Variants in TM9SF4 observed in about 807,000 individuals in gnomAD.
The protein encoded by TM9SF4 is dinucleotide oxidase disulfide thiol exchanger 3 superfamily member 4.
Under a neutral mutation model 90.4 loss-of-function variants are expected in TM9SF4, and 26 were observed. That is an observed-to-expected ratio of 0.29 (90% CI 0.21 to 0.40). The LOEUF (loss-of-function observed/expected upper bound fraction) is 0.40. Among genes scored for constraint, TM9SF4 ranks in the 10% least tolerant of loss-of-function variants. The pLI, the probability that TM9SF4 is intolerant of heterozygous loss-of-function variation, is 1.00. For missense variants in TM9SF4, 549 were observed against 834.8 expected, an observed-to-expected ratio of 0.66 and a Z score of 4.22; for synonymous variants, 293 against 315.4, an observed-to-expected ratio of 0.93 and a Z score of 0.75.
At chr20:32,126,698 C>A (rs1283305127) in intron 1 of TM9SF4, among the ~76,000 whole-genome samples, 1 of 151,900 alleles carries the variant, frequency 6.6e-6, no homozygotes, top group Admixed American at 6.6e-5. Flanking sequence ...GCCTGACACA[C>A]AGTAGGTGCT....
In TM9SF4 at chr20:32,167,038, G is replaced by A. The variant is rs780861529; in HGVS notation, c.*1594G>A. On this transcript the variant is annotated 3_prime_UTR_variant, in exon 18 of 18. Coordinates refer to ENST00000398022, the MANE Select transcript of TM9SF4 (RefSeq NM_014742.4). ...GAGAAAAGGGAACCCAAGCAGTAGAGAGCGATATTGGAGTCTTTTGTTCAT... is the reference window on the plus strand; with the variant it reads ...GAGAAAAGGGAACCCAAGCAGTAGAAAGCGATATTGGAGTCTTTTGTTCAT... The A allele has an allele frequency of 1.3e-5, 2 of 152,054 alleles. No homozygotes were observed. The highest frequency in any genetic ancestry group is 2.1e-4 in the South Asian group (1 of 4,816). 9.4% of individuals were successfully genotyped at this position (152,054 alleles called of 1,614,324 possible). A position where few individuals can be genotyped will look rare whatever the true frequency, so the allele number is the denominator to read the frequency against.
chr20:32,155,172 C>T lies in TM9SF4; in HGVS notation c.1315C>T (p.His439Tyr), dbSNP rs1245631809. Residue 439 changes from histidine (H) to tyrosine (Y), a missense_variant, in exon 13 of 18, where the codon CAC (histidine) becomes TAC (tyrosine). His to Tyr is a moderately conservative substitution (Grantham distance 83, BLOSUM62 2). Transcript: ENST00000398022. The part of the protein sequence containing the change: ...FVLNCFIWGK[H>Y]SSGAVPFPTM... ...ATTGAATTGCTTCATTTGGGGAAAG[C>T]ACTCATCAGGAGCGGTAAGTGCCTC... 6.2e-7 allele frequency: 1 copy of T among 1,614,134 alleles called. No homozygotes were observed. Among genetic ancestry groups the T allele is most frequent in the East Asian group, 2.2e-5 (1 of 44,876 alleles).
At chr20:32,145,670 A>G (rs4911547) in intron 8 of TM9SF4, among the ~76,000 whole-genome samples, 64,322 of 152,088 alleles carry the variant, frequency 0.42, 13,969 homozygotes, top group East Asian at 0.74. Flanking sequence ...TTCTTGATTC[A>G]TTCAACAAGA....
rs760725621 is a variant in TM9SF4, at chr20:32,136,216, G to A, written c.229+43G>A. On this transcript the variant is annotated intron_variant, in intron 3 of 17. Transcript: ENST00000398022. Reference sequence around the variant, plus strand: ...ACTGCTGTCAACTTGTCCCCAGGGGGAACCCAGCATGATTTTTATAATGAT... The same window carrying A: ...ACTGCTGTCAACTTGTCCCCAGGGGAAACCCAGCATGATTTTTATAATGAT... The A allele has an allele frequency of 1.5e-5, 23 of 1,569,382 alleles. No homozygotes were observed. The South Asian group carries it at 2.6e-4, about 17-fold the overall frequency.
At chr20:32,162,140 A>G (rs141561631) in intron 17 of TM9SF4, among the ~76,000 whole-genome samples, 1 of 152,162 alleles carries the variant, frequency 6.6e-6, no homozygotes, top group Non-Finnish European at 1.5e-5. Flanking sequence ...TGGGCCCCTC[A>G]CCTCCAAAAC....
At chr20:32,158,565 C>T (rs778057922) in intron 15 of TM9SF4, 51 bp downstream of exon 15, 1 of 1,579,120 alleles carries the variant, frequency 6.3e-7, no homozygotes, top group Non-Finnish European at 8.7e-7. Context: ...CCGGGTCACT[C>T]CCACTCCACT....
At chr20:32,124,237 G>A (rs59618349) in intron 1 of TM9SF4, among the ~76,000 whole-genome samples, 7,752 of 152,124 alleles carry the variant, frequency 0.051, 632 homozygotes, top group African/African-American at 0.17. Context: ...CCGAAGTAAC[G>A]GACAAATACC....
intron 1 of TM9SF4, among the ~76,000 whole-genome samples, chr20:32,122,618 G>A (rs1185292595): frequency 1.3e-5 from 2 of 149,400 alleles, no homozygotes; most frequent in Admixed American, 6.7e-5. Flanking sequence ...GATGGCGTCC[G>A]GGAAGAGGCG....
intron 12 of TM9SF4, among the ~76,000 whole-genome samples, chr20:32,152,191 T>A (rs1339989764): frequency 6.6e-6 from 1 of 151,936 alleles, no homozygotes; most frequent in Non-Finnish European, 1.5e-5. Context: ...TTCTTGATGA[T>A]TTGAGCATTT....
intron 2 of TM9SF4, among the ~76,000 whole-genome samples, chr20:32,134,436 C>T (rs2046566174): frequency 6.6e-6 from 1 of 152,178 alleles, no homozygotes; most frequent in Admixed American, 6.5e-5. Context: ...GGTCCTTAAT[C>T]CCTGCAGTTT....
chr20:32,133,521 C>T (rs942219507), intron 2 of TM9SF4, among the ~76,000 whole-genome samples: 1 of 152,178 alleles, frequency 6.6e-6, no homozygotes, highest in Non-Finnish European at 1.5e-5. Flanking sequence ...CAGCATAACT[C>T]CTAGTGTCTG....
At chr20:32,156,918 ATT>A (rs1343271593) in intron 13 of TM9SF4, among the ~76,000 whole-genome samples, 1 of 76,470 alleles carries the variant, frequency 1.3e-5, no homozygotes, top group Admixed American at 1.3e-4. Context: ...ATTTTATTGT[ATT>A]TTTTTTTTTC....
At chr20:32,153,006 CAAAG>C (rs765958556) in intron 12 of TM9SF4, among the ~76,000 whole-genome samples, 18 of 152,218 alleles carry the variant, frequency 1.2e-4, no homozygotes, top group South Asian at 6.2e-4. Context: ...TGCAGGAACA[CAAAG>C]GAAGGGAGGA....
intron 1 of TM9SF4, among the ~76,000 whole-genome samples, chr20:32,117,449 A>G (rs910186): frequency 0.099 from 15,038 of 152,066 alleles, 1,544 homozygotes; most frequent in African/African-American, 0.26. Context: ...TTACAGAGAA[A>G]TGCAAGTGAA....
At chr20:32,163,268 A>AAAAAAATATATATATATAT (rs1555886757) in intron 17 of TM9SF4, among the ~76,000 whole-genome samples, 2 of 74,482 alleles carry the variant, frequency 2.7e-5, no homozygotes, top group Admixed American at 1.9e-4. Context: ...AAAAAAAAAA[A>AAAAAAATATATATATATAT]ATATATATAT....
chr20:32,127,134 T>C (rs1386132869), intron 1 of TM9SF4, among the ~76,000 whole-genome samples: 1 of 152,218 alleles, frequency 6.6e-6, no homozygotes, highest in African/African-American at 2.4e-5. Context: ...CCTGAGAGCC[T>C]GTCTGACTCT....
chr20:32,122,770 G>A (rs1324259542), intron 1 of TM9SF4, among the ~76,000 whole-genome samples: 4 of 152,114 alleles, frequency 2.6e-5, no homozygotes, highest in East Asian at 1.9e-4. Flanking sequence ...ACGGGGTGGC[G>A]GCTGGGCAGA....
chr20:32,123,019 A>C, intron 1 of TM9SF4, among the ~76,000 whole-genome samples: 1 of 149,584 alleles, frequency 6.7e-6, no homozygotes, highest in Non-Finnish European at 1.5e-5. Flanking sequence ...AAATACGAAA[A>C]CCAGTCAGGC....
chr20:32,153,805 C>T (rs1288622486), intron 12 of TM9SF4, among the ~76,000 whole-genome samples: 1 of 152,190 alleles, frequency 6.6e-6, no homozygotes. Context: ...ACTAGAATCC[C>T]TGTGCCTATA....
Sources: allele counts gnomAD v4.1 joint callset (sites outside exome capture counted in the v4.1 genomes callset), GRCh38; gene constraint gnomAD v4.1.1; transcripts MANE v1.5; gene names NCBI Gene and HGNC (gene_info 2026-07-23, HGNC 2026-07-21).